The following ATP7A variants were observed in gnomAD, a reference collection of about 807,000 sequenced individuals.
ATP7A encodes the protein copper-transporting ATPase 1.
In ATP7A, 7 loss-of-function variants were observed where a neutral mutation model predicts 83.5. The observed-to-expected ratio is 0.08, with a 90% CI of 0.05 to 0.16. The LOEUF is 0.16. Among genes scored for constraint, ATP7A ranks in the 10% least tolerant of loss-of-function variants. The probability of loss-of-function intolerance (pLI) is 1.00; values close to 1 mark genes in which losing one functional copy is unlikely to be tolerated. For synonymous variants in ATP7A, 354 were observed against 395.2 expected (o/e 0.90, Z 1.24); for missense variants, 940 against 1,120.8 (o/e 0.84, Z 2.30).
At chrX:77,980,246 G>A (rs1222221859) in intron 2 of ATP7A, among the ~76,000 whole-genome samples, 4 of 110,691 alleles carry the variant, frequency 3.6e-5, no homozygotes, top group Non-Finnish European at 5.7e-5. Context: ...TCAGGAGTTC[G>A]AGACCAGCCT....
intron 14 of ATP7A, among the ~76,000 whole-genome samples, chrX:78,022,267 G>C (rs782619433): frequency 9.0e-6 from 1 of 110,742 alleles, no homozygotes; most frequent in East Asian, 2.8e-4. Context: ...GCCCCTTCCA[G>C]CTGTGTTTCT....
intron 21 of ATP7A, among the ~76,000 whole-genome samples, chrX:78,044,028 G>A (rs1557238770): frequency 9.4e-6 from 1 of 106,392 alleles, no homozygotes; most frequent in Non-Finnish European, 1.9e-5. Flanking sequence ...GCTGAGGTGG[G>A]CGGATCACCT....
At chrX:77,946,775 G>C (rs1254418280) in intron 1 of ATP7A, among the ~76,000 whole-genome samples, 1 of 106,771 alleles carries the variant, frequency 9.4e-6, no homozygotes, top group African/African-American at 3.4e-5. Flanking sequence ...AAGTGTTGGC[G>C]AGAAACTGGA....
At chrX:77,973,739 T>G (rs1252139220) in intron 2 of ATP7A, among the ~76,000 whole-genome samples, 1 of 112,047 alleles carries the variant, frequency 8.9e-6, no homozygotes, top group African/African-American at 3.2e-5. Context: ...TTTATAAGTT[T>G]CTACAAAAAT....
At chrX:78,035,094 T>C (rs1259375964) in intron 17 of ATP7A, among the ~76,000 whole-genome samples, 1 of 111,550 alleles carries the variant, frequency 9.0e-6, no homozygotes, top group Non-Finnish European at 1.9e-5. Flanking sequence ...CTTTCAAATG[T>C]CGTATGTCGT....
chrX:77,969,561 G>T, intron 1 of ATP7A: 2 of 1,211,874 alleles, frequency 1.7e-6, no homozygotes, highest in African/African-American at 1.7e-5. Context: ...GATCGGCGTC[G>T]TACCAGCAGC....
intron 1 of ATP7A, among the ~76,000 whole-genome samples, chrX:77,944,068 C>G (rs1410013085): frequency 9.0e-6 from 1 of 111,462 alleles, no homozygotes; most frequent in Non-Finnish European, 1.9e-5. Flanking sequence ...TTTTCTATAC[C>G]CTTGACCATG....
At chrX:77,971,357 A>G (rs1287629870) in intron 1 of ATP7A, among the ~76,000 whole-genome samples, 1 of 112,556 alleles carries the variant, frequency 8.9e-6, no homozygotes, top group Non-Finnish European at 1.9e-5. Context: ...AAAGCTAGTT[A>G]CTTGTATTAA....
At chrX:77,938,256 C>G (rs782328322) in intron 1 of ATP7A, among the ~76,000 whole-genome samples, 5 of 112,034 alleles carry the variant, frequency 4.5e-5, no homozygotes, top group Non-Finnish European at 7.5e-5. Context: ...TTCAGTAGAC[C>G]ATTGTGCAAG....
rs528466109 is a variant in ATP7A at position 77,951,611 on chromosome X, G to A, written c.-21-20010G>A. Among the ~76,000 whole-genome samples, 45 of 102,910 alleles carry A rather than the reference G, an allele frequency of 4.4e-4. 1 individual carries two copies. In the South Asian group the frequency reaches 0.019, roughly 44 times the overall value. 89.4% of individuals were successfully genotyped at this position (102,910 alleles called of 115,157 possible). A position where few individuals can be genotyped will look rare whatever the true frequency, so the allele number is the denominator to read the frequency against. ...TTTTTTTTTTTTGAGATGGAGTCTC[G>A]CTCTGTCACCCAGGCTGGAGTGCCA... On this transcript the variant is annotated intron_variant, in intron 1 of 22. Transcript: ENST00000341514.
intron 21 of ATP7A, among the ~76,000 whole-genome samples, 187 bp from the exon 22 acceptor site, chrX:78,045,283 A>G (rs1557238958): frequency 3.6e-5 from 4 of 111,999 alleles, no homozygotes; most frequent in Non-Finnish European, 7.5e-5. Context: ...ACACGGGGAG[A>G]CATGTACAAG....
chrX:78,036,440 T>A (rs1557237748), intron 17 of ATP7A, among the ~76,000 whole-genome samples: 1 of 110,920 alleles, frequency 9.0e-6, no homozygotes, highest in Non-Finnish European at 1.9e-5. Context: ...GTTTGAGGAA[T>A]GGCAAGGAGA....
At chrX:77,946,312 A>T (rs2077378886) in intron 1 of ATP7A, among the ~76,000 whole-genome samples, 1 of 110,141 alleles carries the variant, frequency 9.1e-6, no homozygotes, top group Non-Finnish European at 1.9e-5. Flanking sequence ...AAAAAAAAAA[A>T]AAAAATTCCA....
At chrX:77,992,681 G>A (rs182990671) in intron 4 of ATP7A, among the ~76,000 whole-genome samples, 2 of 109,534 alleles carry the variant, frequency 1.8e-5, no homozygotes, top group Non-Finnish European at 3.8e-5. Flanking sequence ...GCATGATCTC[G>A]GCTCACTGCA....
intron 2 of ATP7A, 25 bp from the exon 3 acceptor site, chrX:77,988,217 G>A: frequency 8.4e-7 from 1 of 1,191,573 alleles, no homozygotes; most frequent in Non-Finnish European, 1.1e-6. Flanking sequence ...TAATTAAACT[G>A]ACTTTTGGAA....
chrX:78,033,977 A>G (rs901482847), intron 17 of ATP7A, among the ~76,000 whole-genome samples, 156 bp downstream of exon 17: 12 of 112,013 alleles, frequency 1.1e-4, no homozygotes, highest in African/African-American at 3.6e-4. Flanking sequence ...TAAATTAGTC[A>G]AGAATATTTC....
intron 4 of ATP7A, 139 bp from the exon 5 acceptor site, chrX:77,998,339 A>C (rs2077717408): frequency 1.7e-6 from 1 of 583,694 alleles, no homozygotes. Flanking sequence ...GAGATAACTT[A>C]ATGCTAACGG....
Position 78,011,456 on chromosome X carries a change from C to T in ATP7A, c.1954C>T (p.Arg652Trp), listed in dbSNP as rs377714939. The T allele has an allele frequency of 3.5e-5, 42 of 1,205,813 alleles. No homozygotes were observed. The highest frequency in any genetic ancestry group is 3.3e-4 in the African/African-American group (19 of 56,870). Reference protein sequence around the residue: ...DHKREIRQWRRSFLVSLFFCI... With the variant: ...DHKREIRQWRWSFLVSLFFCI... The stretch of plus-strand genomic sequence containing the variant: ...TTATTTTTTCCATATAAGATGGAGA[C>T]GGTCTTTTCTTGTGAGTCTGTTTTT... The change falls in exon 9 of 23, where the codon CGG becomes TGG. Residue 652 changes from arginine to tryptophan, a missense_variant. Arg to Trp is a moderately radical substitution (Grantham distance 101). Coordinates refer to ENST00000341514, the MANE Select transcript of ATP7A (RefSeq NM_000052.7).
At chrX:77,957,359 G>A (rs1292198524) in intron 1 of ATP7A, among the ~76,000 whole-genome samples, 1 of 109,755 alleles carries the variant, frequency 9.1e-6, no homozygotes, top group Non-Finnish European at 1.9e-5. Context: ...AATTAACAAA[G>A]TAAAGAGACA....
Sources: gnomAD v4.1 joint callset for allele counts (sites outside exome capture counted in the v4.1 genomes callset) on GRCh38, gnomAD v4.1.1 for gene constraint, MANE v1.5 for transcripts, NCBI Gene and HGNC (gene_info 2026-07-23, HGNC 2026-07-21) for gene names.